The following NTRK2 variants were observed in gnomAD, a reference collection of about 807,000 sequenced individuals.
NTRK2 encodes neurotrophic receptor tyrosine kinase 2.
NTRK2 carries 13 observed loss-of-function variants against 94.5 expected under a neutral mutation model. That is an observed-to-expected ratio of 0.14 (90% CI 0.09 to 0.22). The LOEUF (loss-of-function observed/expected upper bound fraction) is 0.22. Among genes scored for constraint, NTRK2 ranks in the 10% least tolerant of loss-of-function variants. NTRK2 has a pLI of 1.00. For missense variants in NTRK2, 639 were observed against 1,071.2 expected, an observed-to-expected ratio of 0.60 and a Z score of 5.63; for synonymous variants, 372 against 407.4, an observed-to-expected ratio of 0.91 and a Z score of 1.05.
At chr9:84,670,348 C>G (rs2058624681) in intron 1 of NTRK2, 29 bp from the exon 2 acceptor site, 1 of 333,462 alleles carries the variant, frequency 3.0e-6, no homozygotes, top group Admixed American at 4.6e-5. Flanking sequence ...GTCCTACGCT[C>G]AGTCTTACGC....
chr9:84,975,073 C>T lies in NTRK2; in HGVS notation c.2172+19556C>T, dbSNP rs569274837. Among the ~76,000 whole-genome samples, 8 of 152,172 alleles carry T rather than the reference C, an allele frequency of 5.3e-5. No individual in the cohort carries two copies. The East Asian group carries it at 9.7e-4, about 18-fold the overall frequency. ...TCTGGGAGCACCTTGGAAGGCGGCA[C>T]CCTCCCCCGGGGGAGCACACACAAG... is the stretch of plus-strand genomic sequence containing the variant. On this transcript the variant is annotated intron_variant, in intron 17 of 18. Coordinates refer to ENST00000277120, the MANE Select transcript of NTRK2 (RefSeq NM_006180.6).
chr9:84,873,976 A>G lies in NTRK2; in HGVS notation c.1633+6545A>G, dbSNP rs41282433. On this transcript the variant is annotated intron_variant, in intron 14 of 18. Transcript: ENST00000277120. Reference sequence around the variant, plus strand: ...ACCAAGATGGAGTTCTGCATCCTGCACATATCAGACATTTCAGTCCAATTT... The same window carrying G: ...ACCAAGATGGAGTTCTGCATCCTGCGCATATCAGACATTTCAGTCCAATTT... 3.5e-3 allele frequency: 3,706 copies of G among 1,063,328 alleles called. 3 individuals carry two copies. The highest frequency in any genetic ancestry group is 3.9e-3 in the Non-Finnish European group (3,468 of 878,020). The allele number at this position is 1,063,328 out of a possible 1,614,324, so 65.9% of individuals were successfully genotyped here. A position where few individuals can be genotyped will look rare whatever the true frequency, so the allele number is the denominator to read the frequency against.
intron 6 of NTRK2, among the ~76,000 whole-genome samples, chr9:84,720,036 A>T (rs1348284203): frequency 1.3e-5 from 2 of 151,644 alleles, no homozygotes; most frequent in Non-Finnish European, 2.9e-5. Context: ...AAAAAAAAAA[A>T]AAAGGGAGAG....
intron 17 of NTRK2, among the ~76,000 whole-genome samples, chr9:84,992,944 A>ATG (rs1214833593): frequency 2.7e-5 from 4 of 150,304 alleles, no homozygotes; most frequent in African/African-American, 9.8e-5. Flanking sequence ...TATTATATAT[A>ATG]TATATAACGG....
chr9:84,864,682 GAGA>G (rs1214204342), intron 13 of NTRK2, among the ~76,000 whole-genome samples: 1 of 151,104 alleles, frequency 6.6e-6, no homozygotes, highest in African/African-American at 2.4e-5. Context: ...AGTCAGTGGT[GAGA>G]AGGTTTTGTT....
intron 14 of NTRK2, among the ~76,000 whole-genome samples, chr9:84,927,690 T>C (rs1440988486): frequency 6.6e-6 from 1 of 152,130 alleles, no homozygotes; most frequent in African/African-American, 2.4e-5. Context: ...ACATGAGTTA[T>C]TTAGCTAATC....
intron 12 of NTRK2, among the ~76,000 whole-genome samples, chr9:84,841,150 G>GC (rs1254157799): frequency 2.0e-5 from 3 of 152,182 alleles, no homozygotes; most frequent in Non-Finnish European, 4.4e-5. Context: ...CTCCATGCTG[G>GC]CATTGCCCAC....
At chr9:85,014,315 C>A (rs1831976377) in intron 17 of NTRK2, among the ~76,000 whole-genome samples, 1 of 152,152 alleles carries the variant, frequency 6.6e-6, no homozygotes, top group South Asian at 2.1e-4. Context: ...GAGAGCTAAC[C>A]TGTCACCTCC....
intron 14 of NTRK2, among the ~76,000 whole-genome samples, chr9:84,899,639 G>A (rs779853172): frequency 2.0e-5 from 3 of 152,168 alleles, no homozygotes; most frequent in African/African-American, 4.8e-5. Flanking sequence ...AGAATAGCAC[G>A]TCATACGATT....
chr9:84,963,486 C>T (rs1825197374), intron 17 of NTRK2, among the ~76,000 whole-genome samples: 1 of 152,202 alleles, frequency 6.6e-6, no homozygotes. Flanking sequence ...GCTTATTCTT[C>T]TGTGTTAATG....
Position 85,026,158 on chromosome 9 carries a change from G to C in NTRK2, c.*4721G>C, listed in dbSNP as rs1833026539. On this transcript the variant is annotated 3_prime_UTR_variant, in exon 19 of 19. Transcript: ENST00000277120. ...AAAAAAAATATATATATATATATCT[G>C]TATATGTGTTGTAGGCAAAACACTG... The C allele has an allele frequency of 9.0e-6, 2 of 221,104 alleles. 1 individual carries two copies. The highest frequency in any genetic ancestry group is 3.7e-4 in the South Asian group (2 of 5,412). 13.7% of individuals were successfully genotyped at this position (221,104 alleles called of 1,614,324 possible).
rs58910921 is a variant in NTRK2 at position 84,845,250 on chromosome 9, TACACAC to T, written c.1397-15761_1397-15756del. Among the ~76,000 whole-genome samples, 531 of 147,608 alleles carry T rather than the reference TACACAC, an allele frequency of 3.6e-3. 2 individuals carry two copies. Among genetic ancestry groups the T allele is most frequent in the African/African-American group, 8.0e-3 (318 of 39,938 alleles). On this transcript the variant is annotated intron_variant, in intron 12 of 18. Transcript: ENST00000277120. ...AGTGGATAAAGAAAAATGTGGTGTA[TACACAC>T]ACACACACACACACACACACACACA...
intron 12 of NTRK2, chr9:84,814,314 A>C: frequency 9.4e-7 from 1 of 1,065,316 alleles, no homozygotes; most frequent in Non-Finnish European, 1.1e-6. Flanking sequence ...GGGTGTGTGG[A>C]GTAAATAGCT....
rs140190200 is a variant in NTRK2 at position 85,002,706 on chromosome 9, G to A, written c.2173-17500G>A. Among the ~76,000 whole-genome samples, 5 of 152,336 alleles carry A rather than the reference G, an allele frequency of 3.3e-5. No individual in the cohort carries two copies. The East Asian group carries it at 9.6e-4, about 29-fold the overall frequency. On this transcript the variant is annotated intron_variant, in intron 17 of 18. Transcript: ENST00000277120. ...TACTTCTTGTTATTCGATGGTTGCA[G>A]TATTATGTTTTATTCAAGTTTGGTT...
At chr9:84,806,444 G>A (rs1434936181) in intron 12 of NTRK2, among the ~76,000 whole-genome samples, 2 of 152,166 alleles carry the variant, frequency 1.3e-5, no homozygotes, top group Non-Finnish European at 2.9e-5. Context: ...GGATGTTTAA[G>A]CAACTTCTGG....
intron 12 of NTRK2, among the ~76,000 whole-genome samples, chr9:84,825,172 T>G (rs1291424221): frequency 1.3e-5 from 2 of 151,958 alleles, no homozygotes; most frequent in Non-Finnish European, 2.9e-5. Flanking sequence ...CCCAAATCTT[T>G]CAAACCTGTC....
At position 84,852,343 on chromosome 9, in the gene NTRK2, AG is replaced by A. The variant is rs549411758; in HGVS notation, c.1397-8694del. On this transcript the variant is annotated intron_variant, in intron 12 of 18. Coordinates refer to ENST00000277120, the MANE Select transcript of NTRK2 (RefSeq NM_006180.6). ...CATCCAACATTAAGACAGTGTTAAC[AG>A]GGAAATTGTGTGTGTGTGCAACCAG... Among the ~76,000 whole-genome samples the A allele has an allele frequency of 1.9e-3, 286 of 152,340 alleles. 1 individual carries two copies. Among genetic ancestry groups the A allele is most frequent in the African/African-American group, 6.6e-3 (276 of 41,572 alleles).
intron 17 of NTRK2, among the ~76,000 whole-genome samples, chr9:84,957,415 A>G (rs561543450): frequency 1.3e-5 from 2 of 152,378 alleles, no homozygotes; most frequent in African/African-American, 4.8e-5. Context: ...CAATAAAAAG[A>G]TAAATCACTC....
intron 12 of NTRK2, among the ~76,000 whole-genome samples, chr9:84,776,103 C>T (rs2067004635): frequency 1.3e-5 from 2 of 152,070 alleles, no homozygotes; most frequent in Non-Finnish European, 1.5e-5. Context: ...CTGAGGCACA[C>T]AGTTGGTACC....
Sources: gnomAD v4.1 joint callset for allele counts (sites outside exome capture counted in the v4.1 genomes callset) on GRCh38, gnomAD v4.1.1 for gene constraint, MANE v1.5 for transcripts, NCBI Gene and HGNC (gene_info 2026-07-23, HGNC 2026-07-21) for gene names.